Variants in PCDHGA5 observed in about 807,000 individuals in gnomAD.
PCDHGA5 encodes protocadherin gamma-A5.
In PCDHGA5, 36 loss-of-function variants were observed where a neutral mutation model predicts 56.7. That is an observed-to-expected ratio of 0.64 (90% CI 0.49 to 0.84). The LOEUF (loss-of-function observed/expected upper bound fraction) is 0.84, where lower values mean the gene tolerates loss of function less well. Among genes scored for constraint, PCDHGA5 ranks in the 40% least tolerant of loss-of-function variants. PCDHGA5 has a pLI of 0.00. For missense variants in PCDHGA5, 1,305 were observed against 1,201.5 expected (o/e 1.09, Z -1.27); for synonymous variants, 563 against 520.2 (o/e 1.08, Z -1.12).
intron 2 of PCDHGA5, among the ~76,000 whole-genome samples, chr5:141,498,397 G>A (rs1019408022): frequency 1.3e-5 from 2 of 152,136 alleles, no homozygotes; most frequent in African/African-American, 4.8e-5. Flanking sequence ...GAATGGCAGG[G>A]AGTTTTCTCT....
chr5:141,464,394 G>A (rs1277856342), intron 1 of PCDHGA5, among the ~76,000 whole-genome samples: 1 of 150,654 alleles, frequency 6.6e-6, no homozygotes. Context: ...TGCTAATGAA[G>A]AACCTGAGAT....
At chr5:141,447,957 A>T (rs1460497437) in intron 1 of PCDHGA5, among the ~76,000 whole-genome samples, 3 of 151,910 alleles carry the variant, frequency 2.0e-5, no homozygotes, top group African/African-American at 7.3e-5. Context: ...ATGGTGGCGG[A>T]CACCTATAAT....
chr5:141,365,068 G>C lies in PCDHGA5; in HGVS notation c.738G>C (p.Glu246Asp). 1 of 1,613,812 alleles carries C rather than the reference G, an allele frequency of 6.2e-7. No homozygotes were observed. Among genetic ancestry groups the C allele is most frequent in the South Asian group, 1.1e-5 (1 of 91,088 alleles). The change falls in exon 1 of 4, where the codon GAG becomes GAC. Residue 246 changes from glutamate (E) to aspartate (D), a missense_variant. Coordinates refer to ENST00000518069, the MANE Select transcript of PCDHGA5 (RefSeq NM_018918.3). ...NDNAPLFTPS[E>D]YSVSVPENIP... The stretch of plus-strand genomic sequence containing the variant: ...ATGCGCCCCTGTTCACCCCATCCGA[G>C]TACAGCGTGAGTGTTCCAGAGAACA...
intron 1 of PCDHGA5, chr5:141,399,982 A>C: frequency 6.2e-7 from 1 of 1,612,330 alleles, no homozygotes; most frequent in Non-Finnish European, 8.5e-7. Context: ...GGGGCTGCGC[A>C]CAGGAGAGGT....
In PCDHGA5 at chr5:141,413,305, G is replaced by A. The variant is rs780711139; in HGVS notation, c.2421+46554G>A. 1.5e-5 allele frequency: 25 copies of A among 1,613,870 alleles called. No individual in the cohort carries two copies. The South Asian group carries it at 2.0e-4, about 13-fold the overall frequency. ...CTCCTACTCAATTCCTGAGGAATTA[G>A]AGAAAGGCTCTTTCGTGGGCAACAT... is the stretch of plus-strand genomic sequence containing the variant. On this transcript the variant is annotated intron_variant, in intron 1 of 3. Transcript: ENST00000518069.
chr5:141,417,874 C>A (rs768197455), intron 1 of PCDHGA5: 2 of 1,555,202 alleles, frequency 1.3e-6, no homozygotes, highest in African/African-American at 2.7e-5. Context: ...GAGGGAGCTG[C>A]GCGCAGAGGC....
In PCDHGA5 at chr5:141,419,984, C is replaced by A. The variant is rs918632592; in HGVS notation, c.2421+53233C>A. ...TGTGCTCTTTCTCCTCGCGGTGATT[C>A]TAGCTATTGCTCTACGCCTGCGACA... On this transcript the variant is annotated intron_variant, in intron 1 of 3. Transcript: ENST00000518069. 27 of 1,613,962 alleles carry A rather than the reference C, an allele frequency of 1.7e-5. No individual in the cohort carries two copies. The highest frequency in any genetic ancestry group is 2.2e-5 in the Non-Finnish European group (26 of 1,179,912).
At chr5:141,457,522 G>A (rs1200640017) in intron 1 of PCDHGA5, among the ~76,000 whole-genome samples, 1 of 152,188 alleles carries the variant, frequency 6.6e-6, no homozygotes, top group Non-Finnish European at 1.5e-5. Flanking sequence ...AACAATTAAT[G>A]AGACTAGGGT....
chr5:141,377,336 T>A (rs1773892905), intron 1 of PCDHGA5: 1 of 152,194 alleles, frequency 6.6e-6, no homozygotes, highest in South Asian at 2.1e-4. Context: ...GCTAGCATGG[T>A]GGTTCACGCC....
intron 1 of PCDHGA5, chr5:141,413,463 G>A: frequency 6.2e-7 from 1 of 1,614,128 alleles, no homozygotes; most frequent in African/African-American, 1.3e-5. Flanking sequence ...GGATAGACCG[G>A]GAGGAGCTCT....
intron 1 of PCDHGA5, among the ~76,000 whole-genome samples, chr5:141,380,096 T>C (rs1180401530): frequency 3.3e-5 from 5 of 151,838 alleles, no homozygotes; most frequent in Non-Finnish European, 5.9e-5. Flanking sequence ...GATGGGGTTT[T>C]ACCATGATGG....
At chr5:141,408,308 T>C in intron 1 of PCDHGA5, 1 of 1,613,744 alleles carries the variant, frequency 6.2e-7, no homozygotes, top group South Asian at 1.1e-5. Flanking sequence ...GATCCGCTAC[T>C]CGATTCCGGA....
chr5:141,451,134 T>A (rs567790185), intron 1 of PCDHGA5, among the ~76,000 whole-genome samples: 1 of 152,254 alleles, frequency 6.6e-6, no homozygotes, highest in South Asian at 2.1e-4. Context: ...AGCCTTATGA[T>A]TGTATTTAGA....
In PCDHGA5 at chr5:141,408,459, T is replaced by A; in HGVS notation, c.2421+41708T>A. 5 of 1,613,950 alleles carry A rather than the reference T, an allele frequency of 3.1e-6. No homozygotes were observed. The East Asian group carries it at 1.1e-4, about 36-fold the overall frequency. Reference sequence around the variant, plus strand: ...GACGCGGAGAGCGGGGACTTACTTGTGAAGAACCGAATAGACCGTGAGCAA... The same window carrying A: ...GACGCGGAGAGCGGGGACTTACTTGAGAAGAACCGAATAGACCGTGAGCAA... On this transcript the variant is annotated intron_variant, in intron 1 of 3. Transcript: ENST00000518069.
At chr5:141,408,059 C>T in intron 1 of PCDHGA5, 1 of 1,317,324 alleles carries the variant, frequency 7.6e-7, no homozygotes, top group Non-Finnish European at 1.0e-6. Flanking sequence ...AGCCTCCCGG[C>T]TGCGCAGACC....
intron 1 of PCDHGA5, chr5:141,423,436 C>A (rs2096740667): frequency 6.2e-7 from 1 of 1,613,782 alleles, no homozygotes; most frequent in Non-Finnish European, 8.5e-7. Context: ...GGCAGGTATG[C>A]CCACGTCACA....
At chr5:141,367,515 A>C (rs998835316) in intron 1 of PCDHGA5, 2 of 151,238 alleles carry the variant, frequency 1.3e-5, no homozygotes, top group African/African-American at 2.4e-5. Flanking sequence ...CCAGCCTGGG[A>C]GACAGAACGA....
At chr5:141,372,971 AG>A in intron 1 of PCDHGA5, 1 of 677,376 alleles carries the variant, frequency 1.5e-6, no homozygotes, top group South Asian at 2.2e-5. Context: ...AATTTCCTGT[AG>A]AATATCTGTG....
chr5:141,392,089 A>G (rs1278879227), intron 1 of PCDHGA5: 2 of 152,236 alleles, frequency 1.3e-5, no homozygotes, highest in Non-Finnish European at 2.9e-5. Context: ...ATTTAGAAGA[A>G]TAATTTAAAA....
Sources: gnomAD v4.1 joint callset for allele counts (sites outside exome capture counted in the v4.1 genomes callset) on GRCh38, gnomAD v4.1.1 for gene constraint, MANE v1.5 for transcripts, NCBI Gene and HGNC (gene_info 2026-07-23, HGNC 2026-07-21) for gene names.